ZDBF2: variants seen among roughly 807,000 people sequenced by gnomAD.
ZDBF2 encodes the protein DBF4-type zinc finger-containing protein 2.
ZDBF2 carries 6 observed loss-of-function variants against 9.4 expected under a neutral mutation model. The ratio of observed to expected loss-of-function variants is 0.64; its 90% CI spans 0.35 to 1.27. The LOEUF (loss-of-function observed/expected upper bound fraction) is 1.27, where lower values mean the gene tolerates loss of function less well. ZDBF2 is among the 50% of genes most tolerant of loss of function. ZDBF2 has a pLI of 0.03. For synonymous variants in ZDBF2, 905 were observed against 946.3 expected (o/e 0.96, Z 0.80); for missense variants, 2,697 against 2,766.8 (o/e 0.97, Z 0.57).
rs752128778 is a variant in ZDBF2, at chr2:206,305,726, G to A, written c.1198G>A (p.Glu400Lys). 2.5e-6 allele frequency: 4 copies of A among 1,613,732 alleles called. No homozygotes were observed. The Admixed American group carries it at 6.7e-5, about 27-fold the overall frequency. Residue 400 changes from glutamate (E) to lysine (K), a missense_variant, in exon 5 of 5, where the codon GAG (glutamate) becomes AAG (lysine). Physicochemically the swap from Glu to Lys is moderately conservative, Grantham distance 56 (BLOSUM62 1). Around this residue, in one of 3 missense-constraint regions of ZDBF2, gnomAD observed 910 missense variants for 973.6 expected, o/e 0.93. Transcript: ENST00000374423. ...GCAAATTGACCAAGAAGATAACTAT[G>A]AGTCTAGAGGTTCAGAAATGAGTTT... is the stretch of plus-strand genomic sequence containing the variant. ...EEQIDQEDNY[E>K]SRGSEMSFDC...
chr2:206,311,492 C>G lies in ZDBF2; in HGVS notation c.6964C>G (p.Pro2322Ala). The change falls in exon 5 of 5, where the codon CCT becomes GCT. Residue 2322 changes from proline (P) to alanine (A), a missense_variant. By Grantham distance (27) the Pro-to-Ala change is conservative. This residue lies in a region of ZDBF2 where 1,783 missense variants were observed against 1,776.5 expected (regional missense o/e 1.00). Transcript: ENST00000374423. ...TGGCCGACAGAAAGGTCCTTCTACA[C>G]CTGTGAGAGCATATGATCTGAGAAG... ...YHGRQKGPST[P>A]VRAYDLRSSS... 1 of 1,604,442 alleles carries G rather than the reference C, an allele frequency of 6.2e-7. No homozygotes were observed. Among genetic ancestry groups the G allele is most frequent in the South Asian group, 1.1e-5 (1 of 89,026 alleles).
At chr2:206,300,361 T>A (rs1692437489) in intron 4 of ZDBF2, among the ~76,000 whole-genome samples, 1 of 152,218 alleles carries the variant, frequency 6.6e-6, no homozygotes, top group African/African-American at 2.4e-5. Flanking sequence ...TCTTAAATAG[T>A]TCCTCAGTTT....
chr2:206,307,918 A>T lies in ZDBF2; in HGVS notation c.3390A>T (p.Gln1130His), dbSNP rs778730434. ...TTTCTGTCCAATCTGTGGCTGATCAACCCAAAGTAGCTATTAAACATGTGA... is the reference window on the plus strand; with the variant it reads ...TTTCTGTCCAATCTGTGGCTGATCATCCCAAAGTAGCTATTAAACATGTGA... ...PDVSVQSVAD[Q>H]PKVAIKHVNL... Residue 1130 changes from glutamine to histidine, a missense_variant, in exon 5 of 5, where the codon CAA becomes CAT. Gln to His is a conservative substitution (Grantham distance 24, BLOSUM62 0). Around this residue, in one of 3 missense-constraint regions of ZDBF2, gnomAD observed 1,783 missense variants for 1,776.5 expected, o/e 1.00. Transcript: ENST00000374423. The T allele has an allele frequency of 1.5e-5, 25 of 1,613,570 alleles. No homozygotes were observed. In the East Asian group the frequency reaches 3.8e-4, roughly 24 times the overall value.
chr2:206,286,335 A>G (rs1231517906), intron 3 of ZDBF2, among the ~76,000 whole-genome samples: 2 of 152,070 alleles, frequency 1.3e-5, no homozygotes, highest in African/African-American at 4.8e-5. Flanking sequence ...TATTTGCTTT[A>G]TTTATCTAGG....
chr2:206,310,129 A>T lies in ZDBF2; in HGVS notation c.5601A>T (p.Lys1867Asn). 6.2e-7 allele frequency: 1 copy of T among 1,613,500 alleles called. No individual in the cohort carries two copies. The highest frequency in any genetic ancestry group is 8.5e-7 in the Non-Finnish European group (1 of 1,179,764). ...CYFDDDCETK[K>N]VSSKGKKKVT... ...TTGATGATGACTGTGAGACCAAAAA[A>T]GTTTCTTCGAAGGGGAAAAAAAAGG... Residue 1867 changes from lysine to asparagine, a missense_variant, in exon 5 of 5, where the codon AAA (lysine) becomes AAT (asparagine). Lys to Asn is a moderately conservative substitution (Grantham distance 94). Around this residue, in one of 3 missense-constraint regions of ZDBF2, gnomAD observed 1,783 missense variants for 1,776.5 expected, o/e 1.00. Transcript: ENST00000374423.
In ZDBF2 at chr2:206,307,179, C is replaced by T; in HGVS notation, c.2651C>T (p.Thr884Ile). ...TCCCATGCCCCTCTTCATTCAGTGA[C>T]TAATTCTCCCGAAGTAGCTGTTAAA... ...SDSHAPLHSV[T>I]NSPEVAVKKL... The change falls in exon 5 of 5, where the codon ACT becomes ATT. Residue 884 changes from threonine (T) to isoleucine (I), a missense_variant. This residue lies in a region of ZDBF2 where 1,783 missense variants were observed against 1,776.5 expected (regional missense o/e 1.00). Coordinates refer to ENST00000374423, the MANE Select transcript of ZDBF2 (RefSeq NM_020923.3). 6.2e-7 allele frequency: 1 copy of T among 1,613,330 alleles called. No individual in the cohort carries two copies.
Position 206,310,862 on chromosome 2 carries a change from G to T in ZDBF2, c.6334G>T (p.Ala2112Ser). Reference sequence around the variant, plus strand: ...TTCAGCGCCTTTAATGGCAGTGCCGGCAAGATATGGATTTAATTCACATCA... The same window carrying T: ...TTCAGCGCCTTTAATGGCAGTGCCGTCAAGATATGGATTTAATTCACATCA... Reference protein sequence around the residue: ...SASAPLMAVPARYGFNSHQGT... With the variant: ...SASAPLMAVPSRYGFNSHQGT... Residue 2112 changes from alanine (A) to serine (S), a missense_variant, in exon 5 of 5, where the codon GCA becomes TCA. Coordinates refer to ENST00000374423, the MANE Select transcript of ZDBF2 (RefSeq NM_020923.3). 1 of 1,613,866 alleles carries T rather than the reference G, an allele frequency of 6.2e-7. No individual in the cohort carries two copies. Among genetic ancestry groups the T allele is most frequent in the East Asian group, 2.2e-5 (1 of 44,880 alleles).
In ZDBF2 at chr2:206,306,961, G is replaced by T; in HGVS notation, c.2433G>T (p.Glu811Asp). 1 of 1,613,610 alleles carries T rather than the reference G, an allele frequency of 6.2e-7. No homozygotes were observed. The highest frequency in any genetic ancestry group is 2.2e-5 in the East Asian group (1 of 44,878). Residue 811 changes from glutamate (E) to aspartate (D), a missense_variant, in exon 5 of 5, where the codon GAG becomes GAT. Transcript: ENST00000374423. ...VIDQPEVAVY[E>D]EETVDLESKS... ...ACCAACCTGAAGTAGCTGTTTATGA[G>T]GAAGAAACTGTTGATCTGGAAAGTA...
At chr2:206,283,076 A>G (rs1364133903) in intron 3 of ZDBF2, among the ~76,000 whole-genome samples, 1 of 152,236 alleles carries the variant, frequency 6.6e-6, no homozygotes, top group Non-Finnish European at 1.5e-5. Flanking sequence ...ACAATGTTCC[A>G]TTGCATGGAT....
chr2:206,278,058 G>A (rs1305220574), intron 1 of ZDBF2, among the ~76,000 whole-genome samples: 2 of 152,130 alleles, frequency 1.3e-5, no homozygotes, highest in African/African-American at 4.8e-5. Context: ...GGTTCAGTGA[G>A]AGAGGGTGGC....
rs1299177528 is a variant in ZDBF2 at position 206,306,102 on chromosome 2, G to C, written c.1574G>C (p.Gly525Ala). 10 of 1,613,816 alleles carry C rather than the reference G, an allele frequency of 6.2e-6. No individual in the cohort carries two copies. Among genetic ancestry groups the C allele is most frequent in the Non-Finnish European group, 8.5e-6 (10 of 1,179,804 alleles). The part of the protein sequence containing the change: ...EVNLPKEVHI[G>A]LVDKNYGSSS... ...AACCTTCCTAAGGAAGTGCACATTGGTTTGGTTGATAAGAACTATGGTTCC... is the reference window on the plus strand; with the variant it reads ...AACCTTCCTAAGGAAGTGCACATTGCTTTGGTTGATAAGAACTATGGTTCC... The change falls in exon 5 of 5, where the codon GGT (glycine) becomes GCT (alanine). Residue 525 changes from glycine (G) to alanine (A), a missense_variant. This residue lies in a region of ZDBF2 where 910 missense variants were observed against 973.6 expected (regional missense o/e 0.93). Coordinates refer to ENST00000374423, the MANE Select transcript of ZDBF2 (RefSeq NM_020923.3).
At chr2:206,289,603 A>G (rs1222489324) in intron 3 of ZDBF2, among the ~76,000 whole-genome samples, 2 of 152,160 alleles carry the variant, frequency 1.3e-5, no homozygotes, top group African/African-American at 4.8e-5. Context: ...AGCCATGGCT[A>G]CTTGCCAATG....
At chr2:206,296,711 T>A (rs1235836461) in intron 3 of ZDBF2, among the ~76,000 whole-genome samples, 1 of 152,204 alleles carries the variant, frequency 6.6e-6, no homozygotes, top group Non-Finnish European at 1.5e-5. Context: ...CATTCCTCAT[T>A]TTTTTCTAAA....
Position 206,308,337 on chromosome 2 carries a change from A to G in ZDBF2, c.3809A>G (p.His1270Arg), listed in dbSNP as rs1692935687. ...AAGGAGGTCAGTCTTTGGAAAGAGC[A>G]TGTTGACTTGGAAAATAAGATTGTC... Reference protein sequence around the residue: ...VVKEVSLWKEHVDLENKIVKP... With the variant: ...VVKEVSLWKERVDLENKIVKP... The change falls in exon 5 of 5, where the codon CAT (histidine) becomes CGT (arginine). Residue 1270 changes from histidine (H) to arginine (R), a missense_variant. By Grantham distance (29) the His-to-Arg change is conservative (BLOSUM62 0). Around this residue, in one of 3 missense-constraint regions of ZDBF2, gnomAD observed 1,783 missense variants for 1,776.5 expected, o/e 1.00. Transcript: ENST00000374423. 1 of 1,613,332 alleles carries G rather than the reference A, an allele frequency of 6.2e-7. No individual in the cohort carries two copies. The highest frequency in any genetic ancestry group is 1.1e-5 in the South Asian group (1 of 90,922).
In ZDBF2 at chr2:206,306,830, G is replaced by C; in HGVS notation, c.2302G>C (p.Asp768His). The change falls in exon 5 of 5, where the codon GAT becomes CAT. Residue 768 changes from aspartate to histidine, a missense_variant. Asp to His is a moderately conservative substitution (Grantham distance 81). This residue lies in a region of ZDBF2 where 910 missense variants were observed against 973.6 expected (regional missense o/e 0.93). Transcript: ENST00000374423. ...LLSVTEQSHL[D>H]AEGKERHIDL... ...GTCAGTTACTGAGCAGTCTCATCTG[G>C]ATGCTGAAGGAAAAGAACGGCACAT... 6.2e-7 allele frequency: 1 copy of C among 1,613,844 alleles called. No individual in the cohort carries two copies. The highest frequency in any genetic ancestry group is 1.1e-5 in the South Asian group (1 of 91,084).
In ZDBF2 at chr2:206,305,341, G is replaced by T. The variant is rs1452249040; in HGVS notation, c.813G>T (p.Leu271Phe). Residue 271 changes from leucine to phenylalanine, a missense_variant, in exon 5 of 5, where the codon TTG becomes TTT. Physicochemically the swap from Leu to Phe is conservative, Grantham distance 22. Transcript: ENST00000374423. ...SLRMNSDKLV[L>F]WKDVKSQGKT... Reference sequence around the variant, plus strand: ...GCATGAATTCAGATAAGTTGGTTTTGTGGAAAGATGTAAAATCTCAGGGTA... The same window carrying T: ...GCATGAATTCAGATAAGTTGGTTTTTTGGAAAGATGTAAAATCTCAGGGTA... 2 of 1,612,618 alleles carry T rather than the reference G, an allele frequency of 1.2e-6. No homozygotes were observed. Among genetic ancestry groups the T allele is most frequent in the South Asian group, 1.1e-5 (1 of 90,888 alleles).
Position 206,308,232 on chromosome 2 carries a change from G to T in ZDBF2, c.3704G>T (p.Arg1235Ile). Residue 1235 changes from arginine (R) to isoleucine (I), a missense_variant, in exon 5 of 5, where the codon AGA becomes ATA. Transcript: ENST00000374423. ...GAAGAAGTTGACACGGAAGATAGGA[G>T]AAATGAAGCTAAGGGTTTTGAAATT... ...KDEEVDTEDR[R>I]NEAKGFEIMY... 6.2e-7 allele frequency: 1 copy of T among 1,613,882 alleles called. No individual in the cohort carries two copies. Among genetic ancestry groups the T allele is most frequent in the Non-Finnish European group, 8.5e-7 (1 of 1,179,844 alleles).
chr2:206,302,198 C>T (rs191380834), intron 4 of ZDBF2, among the ~76,000 whole-genome samples: 1 of 151,962 alleles, frequency 6.6e-6, no homozygotes, highest in Non-Finnish European at 1.5e-5. Context: ...TTTGTAGAAA[C>T]AGGATCTCAT....
rs371677311 is a variant in ZDBF2 at position 206,291,428 on chromosome 2, C to T, written c.61-5818C>T. ...GCCGCTCACCTCCTGCTCTGTGGCCCAGTTCCTAGCAGGCCACAGACCAAT... is the reference window on the plus strand; with the variant it reads ...GCCGCTCACCTCCTGCTCTGTGGCCTAGTTCCTAGCAGGCCACAGACCAAT... On this transcript the variant is annotated intron_variant, in intron 3 of 4. Transcript: ENST00000374423. Among the ~76,000 whole-genome samples the T allele has an allele frequency of 3.5e-4, 53 of 152,292 alleles. 1 individual carries two copies. The highest frequency in any genetic ancestry group is 1.3e-3 in the African/African-American group (53 of 41,554).
Sources: gnomAD v4.1 joint callset for allele counts (sites outside exome capture counted in the v4.1 genomes callset) on GRCh38, gnomAD v4.1.1 for gene constraint, gnomAD v4.1.1 regional missense constraint, MANE v1.5 for transcripts, NCBI Gene and HGNC (gene_info 2026-07-23, HGNC 2026-07-21) for gene names.